The following GRM5 variants were observed in gnomAD, a reference collection of about 807,000 sequenced individuals.
The protein encoded by GRM5 is metabotropic glutamate receptor 5.
In GRM5, 19 loss-of-function variants were observed where a neutral mutation model predicts 83.1. The ratio of observed to expected loss-of-function variants is 0.23; its 90% confidence interval spans 0.16 to 0.34. GRM5 has a LOEUF of 0.34. Ranked by LOEUF, GRM5 falls within the 10% of genes least tolerant of loss-of-function variation. The pLI, the probability that GRM5 is intolerant of heterozygous loss-of-function variation, is 1.00. For missense variants in GRM5, 1,160 were observed against 1,588.3 expected (o/e 0.73, Z 4.58); for synonymous variants, 675 against 633.6 (o/e 1.07, Z -0.98).
chr11:88,864,087 CAGA>C (rs1234048446), intron 2 of GRM5, among the ~76,000 whole-genome samples: 1 of 147,240 alleles, frequency 6.8e-6, no homozygotes, highest in African/African-American at 2.5e-5. Flanking sequence ...TGTGACCCTG[CAGA>C]AGGAGTTGAC....
intron 9 of GRM5, among the ~76,000 whole-genome samples, chr11:88,524,214 C>CTTTTTTTTTTTTTTTTTT (rs71470770): frequency 3.0e-5 from 3 of 101,406 alleles, no homozygotes; most frequent in African/African-American, 1.4e-4. Context: ...TTCTTTCTTT[C>CTTTTTTTTTTTTTTTTTT]TTTTTTTTTT....
intron 3 of GRM5, among the ~76,000 whole-genome samples, chr11:88,657,972 C>T (rs1939807534): frequency 6.6e-6 from 1 of 152,054 alleles, no homozygotes; most frequent in African/African-American, 2.4e-5. Flanking sequence ...CTGGGACATA[C>T]CAATCTTGTA....
chr11:88,974,732 C>T (rs940287545), intron 2 of GRM5, among the ~76,000 whole-genome samples: 4 of 152,008 alleles, frequency 2.6e-5, no homozygotes, highest in Admixed American at 1.3e-4. Context: ...ACATTAAAAC[C>T]GTATCAACTT....
chr11:88,757,188 T>C (rs1459765835), intron 3 of GRM5, among the ~76,000 whole-genome samples: 4 of 152,160 alleles, frequency 2.6e-5, no homozygotes, highest in African/African-American at 7.2e-5. Context: ...GAGAATTCCA[T>C]ATCTGGCAAA....
At chr11:88,703,030 T>C (rs1941070206) in intron 3 of GRM5, among the ~76,000 whole-genome samples, 2 of 152,096 alleles carry the variant, frequency 1.3e-5, no homozygotes, top group Non-Finnish European at 2.9e-5. Context: ...ATGCTTTAAA[T>C]TGGGGGATAT....
At chr11:88,986,754 T>G (rs1387513442) in intron 2 of GRM5, among the ~76,000 whole-genome samples, 5 of 136,214 alleles carry the variant, frequency 3.7e-5, no homozygotes, top group African/African-American at 1.4e-4. Context: ...TTTTGCACTC[T>G]TGGTATCATA....
intron 7 of GRM5, among the ~76,000 whole-genome samples, chr11:88,576,407 T>C: frequency 6.6e-6 from 1 of 152,210 alleles, no homozygotes; most frequent in East Asian, 1.9e-4. Context: ...ACTGTTTCTT[T>C]GCTTGTTGTA....
intron 2 of GRM5, among the ~76,000 whole-genome samples, chr11:89,041,645 C>T (rs897052857): frequency 6.6e-6 from 1 of 152,184 alleles, no homozygotes; most frequent in African/African-American, 2.4e-5. Flanking sequence ...GGAGGGAATG[C>T]CCCTCTAAAC....
intron 7 of GRM5, among the ~76,000 whole-genome samples, chr11:88,589,686 C>T (rs1046326144): frequency 4.6e-5 from 7 of 152,176 alleles, no homozygotes; most frequent in South Asian, 4.1e-4. Context: ...GGGCTCTCTG[C>T]CTGCAAGGCT....
intron 3 of GRM5, among the ~76,000 whole-genome samples, chr11:88,805,920 C>G (rs1329548774): frequency 6.6e-6 from 1 of 152,102 alleles, no homozygotes; most frequent in Non-Finnish European, 1.5e-5. Flanking sequence ...CTGATCAAGG[C>G]TTCTATTTCT....
intron 1 of GRM5, among the ~76,000 whole-genome samples, chr11:89,063,817 C>T (rs1051659417): frequency 6.6e-6 from 1 of 152,168 alleles, no homozygotes; most frequent in Non-Finnish European, 1.5e-5. Flanking sequence ...GGAACATAGA[C>T]TCCTGGGTGA....
intron 2 of GRM5, among the ~76,000 whole-genome samples, chr11:88,908,437 G>T (rs1046631690): frequency 7.9e-5 from 12 of 152,076 alleles, no homozygotes; most frequent in African/African-American, 2.7e-4. Context: ...TACCATCCCT[G>T]CTAGGAGTTT....
chr11:88,580,037 G>A (rs1943190778), intron 7 of GRM5, among the ~76,000 whole-genome samples: 1 of 152,182 alleles, frequency 6.6e-6, no homozygotes, highest in Non-Finnish European at 1.5e-5. Context: ...ACTGACTAAA[G>A]GATGTGCAAG....
intron 3 of GRM5, among the ~76,000 whole-genome samples, chr11:88,754,017 C>A (rs769691137): frequency 1.3e-5 from 2 of 152,022 alleles, no homozygotes; most frequent in African/African-American, 2.4e-5. Flanking sequence ...TCCCACAACA[C>A]GTGGGAATTA....
chr11:88,880,530 A>AC (rs1944934750), intron 2 of GRM5, among the ~76,000 whole-genome samples: 1 of 152,182 alleles, frequency 6.6e-6, no homozygotes, highest in South Asian at 2.1e-4. Flanking sequence ...CATTTAAACA[A>AC]CAACCCTGGA....
intron 3 of GRM5, among the ~76,000 whole-genome samples, chr11:88,743,758 C>A (rs928530915): frequency 2.0e-5 from 3 of 152,082 alleles, no homozygotes; most frequent in Admixed American, 6.6e-5. Flanking sequence ...GTATCAGAAA[C>A]CTAATAACAA....
chr11:88,805,147 A>T (rs187927699), intron 3 of GRM5, among the ~76,000 whole-genome samples: 1 of 152,060 alleles, frequency 6.6e-6, no homozygotes, highest in East Asian at 1.9e-4. Context: ...ACATGCATCA[A>T]CTCATGAGTG....
chr11:88,985,459 G>T (rs1354903477), intron 2 of GRM5, among the ~76,000 whole-genome samples: 1 of 152,080 alleles, frequency 6.6e-6, no homozygotes, highest in African/African-American at 2.4e-5. Flanking sequence ...GTGGATCACA[G>T]TTGAGCTTAC....
Position 88,780,097 on chromosome 11 carries a change from G to A in GRM5, c.911+69809C>T, listed in dbSNP as rs139010371. Among the ~76,000 whole-genome samples the A allele has an allele frequency of 2.8e-3, 421 of 152,248 alleles. 4 individuals are homozygous for A. Among genetic ancestry groups the A allele is most frequent in the African/African-American group, 9.7e-3 (401 of 41,538 alleles). On this transcript the variant is annotated intron_variant, in intron 3 of 9. Coordinates refer to ENST00000305447, the MANE Select transcript of GRM5 (RefSeq NM_001143831.3). ...ATCCCTTCCTGACCTGCACAGATGAGGGAGGTCTTCTTTTAATAGGCTCTC... is the reference window on the plus strand; with the variant it reads ...ATCCCTTCCTGACCTGCACAGATGAAGGAGGTCTTCTTTTAATAGGCTCTC...
Sources: gnomAD v4.1 joint callset for allele counts (sites outside exome capture counted in the v4.1 genomes callset) on GRCh38, gnomAD v4.1.1 for gene constraint, MANE v1.5 for transcripts, NCBI Gene and HGNC (gene_info 2026-07-23, HGNC 2026-07-21) for gene names.